TRPM3: variants seen among roughly 807,000 people sequenced by gnomAD.
TRPM3 encodes transient receptor potential cation channel subfamily M member 3, also known as long transient receptor potential channel 3.
TRPM3 carries 77 observed loss-of-function variants against 181.2 expected under a neutral mutation model. That is an observed-to-expected ratio of 0.42 (90% CI 0.35 to 0.51). The LOEUF is 0.51. TRPM3 is among the 20% of genes least tolerant of loss of function. The pLI is 0.01. For missense variants in TRPM3, 1,759 were observed against 2,196.7 expected, an observed-to-expected ratio of 0.80 and a Z score of 3.98; for synonymous variants, 745 against 796.4, an observed-to-expected ratio of 0.94 and a Z score of 1.09.
At chr9:71,404,144 T>C (rs2093392753) in intron 1 of TRPM3, among the ~76,000 whole-genome samples, 1 of 152,308 alleles carries the variant, frequency 6.6e-6, no homozygotes, top group East Asian at 1.9e-4. Context: ...CTGTAATACA[T>C]ACATCCCAAG....
At chr9:71,133,292 C>CTTTTTGTTTTT (rs2074485036) in intron 1 of TRPM3, among the ~76,000 whole-genome samples, 1 of 72,306 alleles carries the variant, frequency 1.4e-5, no homozygotes, top group African/African-American at 4.9e-5. Context: ...TAGCAAATTG[C>CTTTTTGTTTTT]TTTTTTTTTT....
At chr9:71,060,970 G>A (rs11142681) in intron 1 of TRPM3, among the ~76,000 whole-genome samples, 4,741 of 152,204 alleles carry the variant, frequency 0.031, 123 homozygotes, top group Non-Finnish European at 0.049. Flanking sequence ...GAAAAGCAGA[G>A]TACTCTGAAA....
intron 7 of TRPM3, chr9:70,776,132 TCTAGGCCTCCTATCCCAGCTTTGACAGA>T (rs2081311037): frequency 3.9e-6 from 1 of 253,360 alleles, no homozygotes; most frequent in South Asian, 1.5e-4. Context: ...AGAATCATGG[TCTAGGCCTCCTATCCCAGCTTTGACAGA>T]GTAAACCCGC....
chr9:71,230,365 CA>C (rs1554851486), intron 1 of TRPM3, among the ~76,000 whole-genome samples: 6 of 149,364 alleles, frequency 4.0e-5, no homozygotes, highest in Non-Finnish European at 7.4e-5. Context: ...TTAATAGGTA[CA>C]AAAAAATAGA....
intron 1 of TRPM3, among the ~76,000 whole-genome samples, chr9:71,388,762 T>C (rs1398743582): frequency 1.3e-5 from 2 of 152,122 alleles, no homozygotes; most frequent in African/African-American, 4.8e-5. Context: ...AGAATTTTTT[T>C]CTTCAATTTC....
At chr9:71,398,612 T>G (rs2093258828) in intron 1 of TRPM3, among the ~76,000 whole-genome samples, 2 of 152,196 alleles carry the variant, frequency 1.3e-5, no homozygotes, top group Non-Finnish European at 2.9e-5. Flanking sequence ...AAAACGTGCT[T>G]ATTTCCCCTT....
rs117142600 is a variant in TRPM3, at chr9:71,188,958, T to C, written c.183+257695A>G. Among the ~76,000 whole-genome samples the C allele has an allele frequency of 5.9e-4, 90 of 152,042 alleles. 1 individual carries two copies. The East Asian group carries it at 0.017, about 28-fold the overall frequency. ...TTGTGATATTTTGTGGGCATGTCCATTGAGGAAAAAGGTCTATTTTACAAA... is the reference window on the plus strand; with the variant it reads ...TTGTGATATTTTGTGGGCATGTCCACTGAGGAAAAAGGTCTATTTTACAAA... On this transcript the variant is annotated intron_variant, in intron 1 of 24. Transcript: ENST00000357533.
At chr9:71,382,523 A>G (rs2092825158) in intron 1 of TRPM3, among the ~76,000 whole-genome samples, 1 of 152,154 alleles carries the variant, frequency 6.6e-6, no homozygotes, top group Non-Finnish European at 1.5e-5. Flanking sequence ...AACCAAACCA[A>G]CCAGTTCACA....
At chr9:71,293,167 C>CA (rs148022381) in intron 1 of TRPM3, among the ~76,000 whole-genome samples, 5,248 of 149,670 alleles carry the variant, frequency 0.035, 269 homozygotes, top group African/African-American at 0.12. Flanking sequence ...AGGGTATCTA[C>CA]AAAAAAAAAC....
At chr9:71,338,769 C>T (rs2090753538) in intron 1 of TRPM3, among the ~76,000 whole-genome samples, 1 of 152,112 alleles carries the variant, frequency 6.6e-6, no homozygotes, top group Non-Finnish European at 1.5e-5. Context: ...ACACACACCC[C>T]TCCCTCTCTC....
intron 1 of TRPM3, among the ~76,000 whole-genome samples, chr9:71,384,839 AAAAT>A (rs1472945245): frequency 2.0e-5 from 3 of 152,228 alleles, no homozygotes; most frequent in African/African-American, 7.2e-5. Flanking sequence ...TCCAGAGTCT[AAAAT>A]AAAGAAAGAT....
chr9:71,230,024 C>A (rs1021650698), intron 1 of TRPM3, among the ~76,000 whole-genome samples: 3 of 152,174 alleles, frequency 2.0e-5, no homozygotes, highest in Non-Finnish European at 4.4e-5. Context: ...TAGAAGCAAC[C>A]TGTGTCCATC....
intron 1 of TRPM3, among the ~76,000 whole-genome samples, chr9:70,974,619 CTCAGGAGGATGAGGCGGGAGAA>C (rs2097283762): frequency 6.6e-6 from 1 of 151,882 alleles, no homozygotes; most frequent in Non-Finnish European, 1.5e-5. Context: ...GTCCTAGCTA[CTCAGGAGGATGAGGCGGGAGAA>C]TCGCTAGAAC....
intron 21 of TRPM3, 50 bp downstream of exon 21, chr9:70,598,369 C>A: frequency 1.3e-6 from 2 of 1,597,118 alleles, no homozygotes; most frequent in Admixed American, 1.7e-5. Context: ...TCTATTATCA[C>A]CATTCCTCCT....
At position 70,939,060 on chromosome 9, in the gene TRPM3, C is replaced by T. The variant is rs549960534; in HGVS notation, c.178-74549G>A. Among the ~76,000 whole-genome samples the T allele has an allele frequency of 3.3e-5, 5 of 152,276 alleles. No individual in the cohort carries two copies. The South Asian group carries it at 1.0e-3, about 32-fold the overall frequency. On this transcript the variant is annotated intron_variant, in intron 1 of 25. Coordinates refer to ENST00000677713, the MANE Select transcript of TRPM3 (RefSeq NM_001366145.2). ...AATATCCTGTGCAAGGGATACCTTG[C>T]TAAATACATCCAGTTTTCAGAGCCA...
intron 20 of TRPM3, among the ~76,000 whole-genome samples, chr9:70,600,759 A>G (rs2059767888): frequency 6.6e-6 from 1 of 152,160 alleles, no homozygotes; most frequent in Non-Finnish European, 1.5e-5. Context: ...ATCTTAACAG[A>G]GCAAAAATCC....
intron 1 of TRPM3, among the ~76,000 whole-genome samples, chr9:71,306,507 C>A (rs191896396): frequency 6.6e-6 from 1 of 152,166 alleles, no homozygotes; most frequent in Non-Finnish European, 1.5e-5. Flanking sequence ...ATTAAAAAAT[C>A]CAAAAAGTTT....
intron 1 of TRPM3, among the ~76,000 whole-genome samples, chr9:71,288,560 C>T (rs1300549644): frequency 1.3e-5 from 2 of 152,042 alleles, no homozygotes; most frequent in Non-Finnish European, 2.9e-5. Flanking sequence ...CATACCAACT[C>T]AGTAACAAGG....
chr9:71,053,314 G>T (rs377074109), intron 1 of TRPM3, among the ~76,000 whole-genome samples: 2 of 152,026 alleles, frequency 1.3e-5, no homozygotes, highest in Non-Finnish European at 2.9e-5. Flanking sequence ...CCTGTGCAGC[G>T]CTAGTCATCT....
Sources: allele counts gnomAD v4.1 joint callset (sites outside exome capture counted in the v4.1 genomes callset), GRCh38; gene constraint gnomAD v4.1.1; transcripts MANE v1.5; gene names NCBI Gene and HGNC (gene_info 2026-07-23, HGNC 2026-07-21).